Variants in NKAIN3 observed in about 807,000 individuals in gnomAD.
The protein encoded by NKAIN3 is sodium/potassium-transporting ATPase subunit beta-1-interacting protein 3.
In NKAIN3, 25 loss-of-function variants were observed where a neutral mutation model predicts 30.2. The ratio of observed to expected loss-of-function variants is 0.83; its 90% CI spans 0.60 to 1.16. The LOEUF is 1.16. NKAIN3 is among the 50% of genes most tolerant of loss of function. The pLI, the probability that NKAIN3 is intolerant of heterozygous loss-of-function variation, is 0.00. For synonymous variants in NKAIN3, 91 were observed against 89.6 expected (o/e 1.02, Z -0.09); for missense variants, 225 against 254.1 (o/e 0.89, Z 0.78).
chr8:62,986,456 C>T (rs1055166343), downstream of NKAIN3, among the ~76,000 whole-genome samples: 5 of 152,206 alleles, frequency 3.3e-5, no homozygotes, highest in Non-Finnish European at 7.3e-5. Flanking sequence ...TCAATAAACT[C>T]TGTGTCTCAT....
intron 4 of NKAIN3, among the ~76,000 whole-genome samples, chr8:62,874,362 C>G (rs535153045): frequency 6.6e-6 from 1 of 152,174 alleles, no homozygotes; most frequent in South Asian, 2.1e-4. Flanking sequence ...CAAAAAAACC[C>G]CAGGACCAGA....
intron 1 of NKAIN3, among the ~76,000 whole-genome samples, chr8:62,415,286 CTA>C (rs927903023): frequency 7.0e-6 from 1 of 142,018 alleles, no homozygotes; most frequent in Non-Finnish European, 1.5e-5. Context: ...ATATTATATA[CTA>C]TATATATTTA....
chr8:62,493,129 A>G (rs1339129824), intron 1 of NKAIN3, among the ~76,000 whole-genome samples: 2 of 152,032 alleles, frequency 1.3e-5, no homozygotes, highest in Admixed American at 1.3e-4. Flanking sequence ...GCTAGTTCCT[A>G]TGTCAGAATG....
At chr8:62,528,885 C>T (rs537110080) in intron 1 of NKAIN3, among the ~76,000 whole-genome samples, 3 of 152,164 alleles carry the variant, frequency 2.0e-5, no homozygotes, top group East Asian at 1.9e-4. Flanking sequence ...CACTTTATAT[C>T]ATTTTATCCC....
chr8:62,769,028 A>G (rs1437759313), intron 4 of NKAIN3, among the ~76,000 whole-genome samples: 1 of 152,152 alleles, frequency 6.6e-6, no homozygotes, highest in Non-Finnish European at 1.5e-5. Context: ...GATTATTTTT[A>G]TTTCAGGCAA....
intron 1 of NKAIN3, among the ~76,000 whole-genome samples, chr8:62,513,935 C>T (rs1807900530): frequency 7.0e-6 from 1 of 142,580 alleles, no homozygotes; most frequent in Non-Finnish European, 1.5e-5. Flanking sequence ...TGACATGGAA[C>T]TTAGGAGTAG....
intron 4 of NKAIN3, among the ~76,000 whole-genome samples, chr8:62,852,301 T>G (rs1586269274): frequency 6.6e-6 from 1 of 152,278 alleles, no homozygotes; most frequent in East Asian, 1.9e-4. Context: ...GGTGGTGATA[T>G]CCCCTTTATC....
At chr8:62,354,453 T>G (rs1187701188) in intron 1 of NKAIN3, among the ~76,000 whole-genome samples, 3 of 152,184 alleles carry the variant, frequency 2.0e-5, no homozygotes, top group African/African-American at 4.8e-5. Flanking sequence ...TCTTTCTTTC[T>G]TTTTTCTTTT....
intron 4 of NKAIN3, among the ~76,000 whole-genome samples, chr8:62,895,616 G>A (rs549611038): frequency 7.9e-5 from 12 of 152,262 alleles, no homozygotes; most frequent in African/African-American, 2.4e-4. Flanking sequence ...CTAGCTTTTG[G>A]GGTCTGGAAG....
At chr8:62,866,734 T>G (rs1293398199) in intron 4 of NKAIN3, among the ~76,000 whole-genome samples, 1 of 151,952 alleles carries the variant, frequency 6.6e-6, no homozygotes, top group Non-Finnish European at 1.5e-5. Flanking sequence ...TTGTTTGAGG[T>G]GTTTGCGGTT....
intron 1 of NKAIN3, among the ~76,000 whole-genome samples, chr8:62,310,192 T>G (rs75318506): frequency 0.039 from 5,828 of 150,334 alleles, 621 homozygotes; most frequent in African/African-American, 0.11. Flanking sequence ...GGAGGAAAAC[T>G]TGAAGTGAAA....
chr8:62,277,799 G>A (rs374780081), intron 1 of NKAIN3, among the ~76,000 whole-genome samples: 9 of 152,142 alleles, frequency 5.9e-5, no homozygotes, highest in South Asian at 4.1e-4. Context: ...GGATGAAGTC[G>A]GTGGTTTTGA....
At chr8:62,490,803 G>A (rs938502132) in intron 1 of NKAIN3, among the ~76,000 whole-genome samples, 1 of 150,782 alleles carries the variant, frequency 6.6e-6, no homozygotes, top group Admixed American at 6.6e-5. Flanking sequence ...AAATAAAACA[G>A]ACGTAGAATC....
chr8:62,991,528 C>T (rs1007230531), intron 5 of NKAIN3, among the ~76,000 whole-genome samples: 1 of 152,200 alleles, frequency 6.6e-6, no homozygotes, highest in African/African-American at 2.4e-5. Context: ...AGCTCACTGA[C>T]ACATAATAAT....
At chr8:62,641,100 G>T (rs1446629480) in intron 3 of NKAIN3, among the ~76,000 whole-genome samples, 2 of 151,644 alleles carry the variant, frequency 1.3e-5, no homozygotes, top group East Asian at 3.9e-4. Context: ...AATGCATCTT[G>T]GTTCTTGGGT....
chr8:62,361,051 A>G (rs1430814426), intron 1 of NKAIN3, among the ~76,000 whole-genome samples: 1 of 151,382 alleles, frequency 6.6e-6, no homozygotes. Flanking sequence ...GACAAGAGCC[A>G]TCTCTACAGC....
chr8:62,973,440 C>T lies in NKAIN3; in HGVS notation c.*8033C>T, dbSNP rs527876497. Among the ~76,000 whole-genome samples, 3 of 151,208 alleles carry T rather than the reference C, an allele frequency of 2.0e-5. No homozygotes were observed. The highest frequency in any genetic ancestry group is 4.4e-5 in the Non-Finnish European group (3 of 67,842). On this transcript the variant is annotated 3_prime_UTR_variant, in exon 7 of 7. Coordinates refer to ENST00000623646, the MANE Select transcript of NKAIN3 (RefSeq NM_001304533.3). ...CCAGTGATGATGAGATTTTTTTTTACGTTTGTTGGCTGCATAAATGTCTTC... is the reference window on the plus strand; with the variant it reads ...CCAGTGATGATGAGATTTTTTTTTATGTTTGTTGGCTGCATAAATGTCTTC...
chr8:62,925,232 C>T (rs888730301), intron 5 of NKAIN3, among the ~76,000 whole-genome samples: 1 of 152,146 alleles, frequency 6.6e-6, no homozygotes, highest in Non-Finnish European at 1.5e-5. Context: ...TCAGAACCTG[C>T]TTCAGTGTAT....
intron 1 of NKAIN3, among the ~76,000 whole-genome samples, chr8:62,327,571 G>C (rs1003677089): frequency 1.3e-5 from 2 of 151,840 alleles, no homozygotes; most frequent in Admixed American, 1.3e-4. Context: ...TTGAGGACTG[G>C]CCTTTCCCCA....
Sources: allele counts gnomAD v4.1 joint callset (sites outside exome capture counted in the v4.1 genomes callset), GRCh38; gene constraint gnomAD v4.1.1; transcripts MANE v1.5; gene names NCBI Gene and HGNC (gene_info 2026-07-23, HGNC 2026-07-21).